NPAT: variants seen among roughly 807,000 people sequenced by gnomAD.
NPAT encodes nuclear protein, coactivator of histone transcription.
A neutral mutation model predicts 130.7 loss-of-function variants in NPAT; 52 were observed. That is an observed-to-expected ratio of 0.40 (90% CI 0.32 to 0.50). NPAT has a LOEUF of 0.50. NPAT is among the 20% of genes least tolerant of loss of function. The pLI, the probability that NPAT is intolerant of heterozygous loss-of-function variation, is 0.68. For synonymous variants in NPAT, 580 were observed against 584.8 expected (o/e 0.99, Z 0.12); for missense variants, 1,687 against 1,662.6 (o/e 1.01, Z -0.26).
chr11:108,192,235 A>G (rs1267281271), intron 3 of NPAT, 45 bp from the exon 4 acceptor site: 1 of 1,203,274 alleles, frequency 8.3e-7, no homozygotes, highest in Non-Finnish European at 1.2e-6. Context: ...AGCTGAAGAA[A>G]TTTCATCATT....
At chr11:108,198,868 T>A (rs2078248825) in intron 1 of NPAT, among the ~76,000 whole-genome samples, 2 of 152,190 alleles carry the variant, frequency 1.3e-5, no homozygotes, top group South Asian at 4.1e-4. Flanking sequence ...CACTCCCCAG[T>A]GTCCACATAA....
At chr11:108,202,775 A>G (rs1421271114) in intron 1 of NPAT, among the ~76,000 whole-genome samples, 1 of 152,210 alleles carries the variant, frequency 6.6e-6, no homozygotes, top group Non-Finnish European at 1.5e-5. Context: ...ACCCCTATGC[A>G]GAAGACGAGA....
intron 1 of NPAT, among the ~76,000 whole-genome samples, chr11:108,206,143 A>G (rs939157815): frequency 6.6e-6 from 1 of 152,258 alleles, no homozygotes; most frequent in Admixed American, 6.5e-5. Flanking sequence ...ACTGTACACA[A>G]CAATATGGGC....
At position 108,161,684 on chromosome 11, in the gene NPAT, G is replaced by A; in HGVS notation, c.3402C>T (p.Ala1134=). 3 of 1,613,868 alleles carry A rather than the reference G, an allele frequency of 1.9e-6. No homozygotes were observed. The highest frequency in any genetic ancestry group is 2.5e-6 in the Non-Finnish European group (3 of 1,179,992). The change falls in exon 17 of 18, where the codon GCC becomes GCT. Residue 1134 remains alanine, a synonymous_variant. Coordinates refer to ENST00000278612, the MANE Select transcript of NPAT (RefSeq NM_002519.3). ...CTCTTATGGTGGTATGCCGGCTAATGGCACTTTCCGATTTAGATAAAATCT... is the reference window on the plus strand; with the variant it reads ...CTCTTATGGTGGTATGCCGGCTAATAGCACTTTCCGATTTAGATAAAATCT... The part of the protein sequence containing the change: ...LPKILSKSES[A]ISRHTTIRET...
At chr11:108,219,753 C>T (rs1286229047) in intron 1 of NPAT, among the ~76,000 whole-genome samples, 1 of 152,066 alleles carries the variant, frequency 6.6e-6, no homozygotes, top group Non-Finnish European at 1.5e-5. Flanking sequence ...ACAACAACAA[C>T]AACAACAAAC....
At chr11:108,198,833 C>G (rs941097398) in intron 1 of NPAT, among the ~76,000 whole-genome samples, 4 of 152,180 alleles carry the variant, frequency 2.6e-5, no homozygotes, top group African/African-American at 4.8e-5. Context: ...TTTTGTTGCT[C>G]AAGAAAACCC....
At chr11:108,198,163 A>T (rs551455827) in intron 1 of NPAT, among the ~76,000 whole-genome samples, 1 of 152,362 alleles carries the variant, frequency 6.6e-6, no homozygotes, top group South Asian at 2.1e-4. Flanking sequence ...TTAGTTCAGC[A>T]AACTCACTAG....
chr11:108,190,409 A>G (rs1479285915), intron 5 of NPAT, 51 bp downstream of exon 5: 1 of 1,371,662 alleles, frequency 7.3e-7, no homozygotes, highest in Non-Finnish European at 1.0e-6. Flanking sequence ...TGTTCATCTG[A>G]TAGTTTAAGT....
chr11:108,200,555 GCCATA>G (rs747646381), intron 1 of NPAT, among the ~76,000 whole-genome samples: 2 of 152,110 alleles, frequency 1.3e-5, no homozygotes, highest in Admixed American at 1.3e-4. Context: ...AGCCACAACT[GCCATA>G]CTGGTCTAGG....
At position 108,172,417 on chromosome 11, in the gene NPAT, G is replaced by C; in HGVS notation, c.2567C>G (p.Thr856Arg). 1 of 1,614,140 alleles carries C rather than the reference G, an allele frequency of 6.2e-7. No individual in the cohort carries two copies. Among genetic ancestry groups the C allele is most frequent in the East Asian group, 2.2e-5 (1 of 44,884 alleles). The change falls in exon 13 of 18, where the codon ACA becomes AGA. Residue 856 changes from threonine to arginine, a missense_variant. Physicochemically the swap from Thr to Arg is moderately conservative, Grantham distance 71. Transcript: ENST00000278612. ...ATTTGAATTGCCAAAAGCTGTGCTT[G>C]TGGCTGGCATCAACTGTATATATCC... is the stretch of plus-strand genomic sequence containing the variant. Reference protein sequence around the residue: ...DGGYIQLMPATSTAFGNSNNI... With the variant: ...DGGYIQLMPARSTAFGNSNNI...
At chr11:108,218,500 G>A (rs1037778503) in intron 1 of NPAT, among the ~76,000 whole-genome samples, 2 of 152,152 alleles carry the variant, frequency 1.3e-5, no homozygotes, top group East Asian at 1.9e-4. Flanking sequence ...TTAGGAAGCC[G>A]TACCTTATGT....
At chr11:108,171,153 C>CA (rs2077946874) in intron 13 of NPAT, 1 of 104,050 alleles carries the variant, frequency 9.6e-6, no homozygotes, top group Non-Finnish European at 1.8e-5. Flanking sequence ...TTTTTGGAGA[C>CA]AGAGTCTTAC....
At chr11:108,181,095 T>A (rs553778858) in intron 10 of NPAT, among the ~76,000 whole-genome samples, 1 of 152,244 alleles carries the variant, frequency 6.6e-6, no homozygotes, top group African/African-American at 2.4e-5. Context: ...CCTCCCAAAT[T>A]CACGTGTTGA....
chr11:108,210,080 A>C lies in NPAT; in HGVS notation c.37+12420T>G, dbSNP rs1171755387. ...GACAATTCTGTAGCTAGACCAACCG[A>C]AAAAAAAAAGAGAATACTCAAATTA... is the stretch of plus-strand genomic sequence containing the variant. On this transcript the variant is annotated intron_variant, in intron 1 of 17. Transcript: ENST00000278612. 2.0e-5 allele frequency among the ~76,000 whole-genome samples: 3 copies of C among 146,772 alleles called. No individual in the cohort carries two copies. The South Asian group carries it at 6.5e-4, about 32-fold the overall frequency.
intron 10 of NPAT, among the ~76,000 whole-genome samples, chr11:108,181,657 A>G (rs1276953813): frequency 1.3e-5 from 2 of 152,064 alleles, no homozygotes; most frequent in Admixed American, 6.5e-5. Context: ...CACCAGTACC[A>G]CAATGTGCTT....
rs372642548 is a variant in NPAT at position 108,208,542 on chromosome 11, T to C, written c.38-11122A>G. The C allele has an allele frequency of 2.8e-4, 123 of 444,198 alleles. No homozygotes were observed. In the East Asian group the frequency reaches 4.8e-3, roughly 17 times the overall value. 27.5% of individuals were successfully genotyped at this position (444,198 alleles called of 1,614,324 possible). ...GGTCGAGGCTGCAGCGAACCATGAC[T>C]GCACCACTGCACTCGAGCCTGGGCA... On this transcript the variant is annotated intron_variant, in intron 1 of 17. Coordinates refer to ENST00000278612, the MANE Select transcript of NPAT (RefSeq NM_002519.3).
rs1343374604 is a variant in NPAT at position 108,208,348 on chromosome 11, G to C, written c.38-10928C>G. On this transcript the variant is annotated intron_variant, in intron 1 of 17. Transcript: ENST00000278612. ...ATGGCTGGGTGAAGTAGCTCACTTT[G>C]GGGAGGCTGAGGTGGTAGAATCGCT... 4 of 375,028 alleles carry C rather than the reference G, an allele frequency of 1.1e-5. No homozygotes were observed. The East Asian group carries it at 2.6e-4, about 24-fold the overall frequency. 23.2% of individuals were successfully genotyped at this position (375,028 alleles called of 1,614,324 possible).
chr11:108,188,323 T>TA, intron 6 of NPAT, 144 bp from the exon 7 acceptor site: 2 of 681,716 alleles, frequency 2.9e-6, no homozygotes, highest in South Asian at 3.4e-5. Flanking sequence ...TAAAGCATGG[T>TA]AAAAGACACT....
intron 1 of NPAT, chr11:108,208,390 G>A (rs2078349732): frequency 8.9e-6 from 4 of 451,834 alleles, no homozygotes; most frequent in Non-Finnish European, 1.8e-5. Context: ...TAGGGTTCAA[G>A]ACCATCCCGG....
Sources: gnomAD v4.1 joint callset for allele counts (sites outside exome capture counted in the v4.1 genomes callset) on GRCh38, gnomAD v4.1.1 for gene constraint, MANE v1.5 for transcripts, NCBI Gene and HGNC (gene_info 2026-07-23, HGNC 2026-07-21) for gene names.